The following MTM1 variants were observed in gnomAD, a reference collection of about 807,000 sequenced individuals.
MTM1 encodes the protein myotubularin.
MTM1 carries 9 observed loss-of-function variants against 52.1 expected under a neutral mutation model. That is an observed-to-expected ratio of 0.17 (90% CI 0.10 to 0.30). The LOEUF (loss-of-function observed/expected upper bound fraction) is 0.30, where lower values mean the gene tolerates loss of function less well. MTM1 is among the 10% of genes least tolerant of loss of function. The probability of loss-of-function intolerance (pLI) is 1.00; values close to 1 mark genes in which losing one functional copy is unlikely to be tolerated. For synonymous variants in MTM1, 136 were observed against 163.8 expected (o/e 0.83, Z 1.29); for missense variants, 277 against 470.7 (o/e 0.59, Z 3.81).
intron 14 of MTM1, among the ~76,000 whole-genome samples, chrX:150,668,649 G>A (rs2040343259): frequency 9.0e-6 from 1 of 111,119 alleles, no homozygotes; most frequent in Non-Finnish European, 1.9e-5. Flanking sequence ...AGGTTACAGT[G>A]TTCAAGATTT....
chrX:150,665,727 C>T (rs1243826146), intron 14 of MTM1, among the ~76,000 whole-genome samples: 2 of 112,248 alleles, frequency 1.8e-5, no homozygotes, highest in African/African-American at 6.5e-5. Context: ...AAGCAAAAGC[C>T]ACCAACCCTT....
intron 10 of MTM1, among the ~76,000 whole-genome samples, chrX:150,653,840 T>A (rs1346569854): frequency 8.9e-6 from 1 of 112,460 alleles, no homozygotes; most frequent in Non-Finnish European, 1.9e-5. Context: ...AGTATCATAT[T>A]GTTTTGGCCT....
In MTM1 at chrX:150,649,285, C is replaced by T. The variant is rs938617268; in HGVS notation, c.868-431C>T. 3.5e-5 allele frequency among the ~76,000 whole-genome samples: 4 copies of T among 112,687 alleles called. No homozygotes were observed. The East Asian group carries it at 8.4e-4, about 24-fold the overall frequency. On this transcript the variant is annotated intron_variant, in intron 9 of 14. Coordinates refer to ENST00000370396, the MANE Select transcript of MTM1 (RefSeq NM_000252.3). ...CCTGTTGTTTTCCTCTAATGCATCA[C>T]GTCCTACGTGAGTGCTGTTACAGTG...
At chrX:150,597,985 G>C (rs1341679312) in intron 3 of MTM1, among the ~76,000 whole-genome samples, 1 of 111,015 alleles carries the variant, frequency 9.0e-6, no homozygotes, top group Non-Finnish European at 1.9e-5. Context: ...TACTCAGGAG[G>C]CTGAGGTGGG....
intron 6 of MTM1, among the ~76,000 whole-genome samples, chrX:150,621,616 T>A (rs143268180): frequency 0.011 from 1,262 of 110,710 alleles, 12 homozygotes; most frequent in Non-Finnish European, 0.018. Flanking sequence ...TTGGTTCAGA[T>A]TTTGCTGTCC....
At chrX:150,652,402 C>T (rs1413569538) in intron 10 of MTM1, among the ~76,000 whole-genome samples, 1 of 106,928 alleles carries the variant, frequency 9.4e-6, no homozygotes, top group African/African-American at 3.4e-5. Flanking sequence ...TGTAGTTGTG[C>T]ACAACTGTAG....
chrX:150,668,134 C>T (rs1201163125), intron 14 of MTM1, among the ~76,000 whole-genome samples: 1 of 112,724 alleles, frequency 8.9e-6, no homozygotes, highest in African/African-American at 3.2e-5. Context: ...AGCCAAGGAA[C>T]ACCTGGAGCC....
chrX:150,644,861 A>G (rs2039905125), intron 8 of MTM1, among the ~76,000 whole-genome samples: 1 of 111,473 alleles, frequency 9.0e-6, no homozygotes, highest in Admixed American at 9.6e-5. Context: ...ACTAGACCCC[A>G]AAGTCCACAT....
At chrX:150,670,870 G>A (rs2040384973) in intron 14 of MTM1, among the ~76,000 whole-genome samples, 1 of 112,206 alleles carries the variant, frequency 8.9e-6, no homozygotes, top group Admixed American at 9.4e-5. Context: ...CTGGGAAGGG[G>A]TGGAGAAACT....
upstream of MTM1, among the ~76,000 whole-genome samples, chrX:150,564,379 T>TA (rs2038236353): frequency 3.6e-5 from 4 of 111,354 alleles, no homozygotes; most frequent in Non-Finnish European, 5.7e-5. Flanking sequence ...TTTTACTATT[T>TA]TTTATTATTA....
At chrX:150,637,074 T>A (rs1424682612) in intron 6 of MTM1, among the ~76,000 whole-genome samples, 1 of 111,993 alleles carries the variant, frequency 8.9e-6, no homozygotes, top group African/African-American at 3.2e-5. Flanking sequence ...ATGCCAGCCA[T>A]CCAGAATAAA....
chrX:150,592,880 G>A (rs1363072935), intron 2 of MTM1, among the ~76,000 whole-genome samples: 1 of 104,802 alleles, frequency 9.5e-6, no homozygotes, highest in Non-Finnish European at 1.9e-5. Flanking sequence ...GTCTCGCTCC[G>A]TAGCCCAGGT....
rs144517020 is a variant in MTM1 at position 150,641,355 on chromosome X, G to A, written c.615G>A (p.Pro205=). Residue 205 remains proline, a synonymous_variant, in exon 8 of 15, where the codon CCG becomes CCA. Transcript: ENST00000370396. ...CDTYPALLVV[P]YRASDDDLRR... Reference sequence around the variant, plus strand: ...CTTACCCTGCTCTTTTGGTGGTTCCGTATCGTGCCTCAGATGATGACCTCC... The same window carrying A: ...CTTACCCTGCTCTTTTGGTGGTTCCATATCGTGCCTCAGATGATGACCTCC... The A allele has an allele frequency of 9.8e-5, 118 of 1,209,456 alleles. No homozygotes were observed. The African/African-American group carries it at 1.6e-3, about 17-fold the overall frequency.
At chrX:150,602,988 G>A (rs2039091316) in intron 4 of MTM1, among the ~76,000 whole-genome samples, 2 of 111,982 alleles carry the variant, frequency 1.8e-5, no homozygotes, top group African/African-American at 6.5e-5. Flanking sequence ...GCATAGTGCT[G>A]TGAGAAGGAA....
At chrX:150,583,896 T>A (rs868964174) in intron 1 of MTM1, among the ~76,000 whole-genome samples, 284 of 25,457 alleles carry the variant, frequency 0.011, 15 homozygotes, top group African/African-American at 0.053. Flanking sequence ...TATATATATT[T>A]GATATATATA....
intron 8 of MTM1, among the ~76,000 whole-genome samples, chrX:150,645,144 C>G (rs782164012): frequency 9.0e-6 from 1 of 111,665 alleles, no homozygotes; most frequent in Non-Finnish European, 1.9e-5. Context: ...GTCCACACTG[C>G]ACTGTGGAGA....
intron 10 of MTM1, among the ~76,000 whole-genome samples, chrX:150,656,554 C>T (rs1409634524): frequency 1.8e-5 from 2 of 112,164 alleles, no homozygotes; most frequent in Non-Finnish European, 3.8e-5. Context: ...CCCTAGCACA[C>T]TATCGCAATC....
At chrX:150,590,953 C>T (rs1200275089) in intron 1 of MTM1, 2 of 572,066 alleles carry the variant, frequency 3.5e-6, no homozygotes, top group Non-Finnish European at 4.2e-6. Context: ...AATTTCAGAG[C>T]AGATACATCT....
At chrX:150,572,996 T>C (rs1318666338) in intron 1 of MTM1, among the ~76,000 whole-genome samples, 1 of 113,117 alleles carries the variant, frequency 8.8e-6, no homozygotes, top group Admixed American at 9.3e-5. Context: ...TATTTCAGTA[T>C]GTTTTTCATT....
Sources: allele counts gnomAD v4.1 joint callset (sites outside exome capture counted in the v4.1 genomes callset), GRCh38; gene constraint gnomAD v4.1.1; transcripts MANE v1.5; gene names NCBI Gene and HGNC (gene_info 2026-07-23, HGNC 2026-07-21).